The following GPR35 variants were observed in gnomAD, a reference collection of about 807,000 sequenced individuals.
The protein encoded by GPR35 is KYNA receptor.
For missense variants in GPR35, 372 were observed against 422.5 expected (o/e 0.88, Z 1.05); for synonymous variants, 207 against 198.4 (o/e 1.04, Z -0.36).
chr2:240,624,645 G>A (rs2043348199), upstream of GPR35, among the ~76,000 whole-genome samples: 1 of 152,202 alleles, frequency 6.6e-6, no homozygotes, highest in African/African-American at 2.4e-5. Context: ...CAGCCGTTGA[G>A]GAGGGAGAGG....
exon 3 of GPR35, chr2:240,616,500 C>A (rs374515087): frequency 3.8e-6 from 3 of 780,248 alleles, no homozygotes; most frequent in Non-Finnish European, 7.2e-6. Context: ...TCCGATACTT[C>A]ACCAGATTCA....
At chr2:240,625,384 C>T (rs1354145662), upstream of GPR35, 26 of 985,416 alleles carry the variant, frequency 2.6e-5, no homozygotes, top group Non-Finnish European at 3.0e-5. Context: ...ACTCCTGTTA[C>T]CCCTGACCTG....
In GPR35 at chr2:240,630,886, G is replaced by A; in HGVS notation, c.*4G>A. The stretch of plus-strand genomic sequence containing the variant: ...TCTGTGCGTGACCCTCGCCTAAGAG[G>A]CGTGCTGTGGGCGCTGTGGGCCAGG... On this transcript the variant is annotated 3_prime_UTR_variant, in exon 2 of 2. Transcript: ENST00000407714. 6.2e-7 allele frequency: 1 copy of A among 1,604,250 alleles called. No homozygotes were observed. The highest frequency in any genetic ancestry group is 8.5e-7 in the Non-Finnish European group (1 of 1,173,038).
chr2:240,606,813 G>A (rs996086876), intron 2 of GPR35, among the ~76,000 whole-genome samples: 1 of 152,230 alleles, frequency 6.6e-6, no homozygotes, highest in African/African-American at 2.4e-5. Flanking sequence ...GATGTAAGCA[G>A]GGGCCTTAAG....
chr2:240,625,934 T>C (rs375415914), intron 1 of GPR35, among the ~76,000 whole-genome samples: 5 of 70,446 alleles, frequency 7.1e-5, no homozygotes, highest in Admixed American at 3.2e-4. Context: ...CAGAGTGGGG[T>C]GAGGCTGTGA....
chr2:240,609,964 C>CTTT (rs879882240), intron 2 of GPR35, among the ~76,000 whole-genome samples: 5 of 144,580 alleles, frequency 3.5e-5, no homozygotes, highest in African/African-American at 1.0e-4. Flanking sequence ...ATGAAATATC[C>CTTT]TTTTTTTTTT....
intron 2 of GPR35, among the ~76,000 whole-genome samples, chr2:240,614,107 C>G (rs953297880): frequency 3.3e-5 from 5 of 152,094 alleles, no homozygotes; most frequent in Non-Finnish European, 5.9e-5. Context: ...AATTCCAACC[C>G]TAACCCTAAG....
At chr2:240,618,038 T>A (rs551156488) in intron 4 of GPR35, among the ~76,000 whole-genome samples, 1 of 152,346 alleles carries the variant, frequency 6.6e-6, no homozygotes, top group African/African-American at 2.4e-5. Flanking sequence ...TTTGTCGTCA[T>A]TTTTAGGCCT....
At chr2:240,612,976 G>C (rs2043199686) in intron 2 of GPR35, among the ~76,000 whole-genome samples, 1 of 152,258 alleles carries the variant, frequency 6.6e-6, no homozygotes, top group South Asian at 2.1e-4. Flanking sequence ...GCAGACAGCA[G>C]AGACTCTGCA....
At chr2:240,622,596 A>G (rs145897345), upstream of GPR35, among the ~76,000 whole-genome samples, 1,556 of 152,364 alleles carry the variant, frequency 0.01, 24 homozygotes, top group African/African-American at 0.036. Flanking sequence ...GTTGGGCCAC[A>G]TTCAAAGCCC....
In GPR35 at chr2:240,625,480, A is replaced by C; in HGVS notation, c.-93A>C. On this transcript the variant is annotated 5_prime_UTR_variant, in exon 1 of 2. Coordinates refer to ENST00000407714, the MANE Select transcript of GPR35 (RefSeq NM_005301.5). ...CTGAGGGGTGGCTCACCCCAGCTTC[A>C]CTTCCCCCAGCCCTTCTCAGACAGC... 1.0e-6 allele frequency: 1 copy of C among 985,704 alleles called. No homozygotes were observed. The highest frequency in any genetic ancestry group is 1.2e-6 in the Non-Finnish European group (1 of 830,170). 61.1% of individuals were successfully genotyped at this position (985,704 alleles called of 1,614,324 possible).
At chr2:240,613,277 C>A (rs2043204324) in intron 2 of GPR35, among the ~76,000 whole-genome samples, 1 of 152,042 alleles carries the variant, frequency 6.6e-6, no homozygotes, top group Non-Finnish European at 1.5e-5. Context: ...GCAGAGAGGA[C>A]AGCAGAACAT....
exon 4 of GPR35, chr2:240,617,288 C>T: frequency 7.0e-6 from 5 of 712,164 alleles, no homozygotes; most frequent in South Asian, 5.9e-5. Context: ...GGATTGCAGA[C>T]TCATGAAAGA....
chr2:240,620,760 AC>A (rs777727458), upstream of GPR35, among the ~76,000 whole-genome samples: 1 of 149,802 alleles, frequency 6.7e-6, no homozygotes, highest in South Asian at 2.1e-4. Context: ...TTCTGCAGCC[AC>A]CCCCCAGGAC....
chr2:240,619,722 C>T (rs2043272043), intron 5 of GPR35, among the ~76,000 whole-genome samples: 1 of 152,226 alleles, frequency 6.6e-6, no homozygotes, highest in Admixed American at 6.5e-5. Context: ...TCAAGAGTTA[C>T]TCCTCCCTCC....
At chr2:240,610,501 C>G (rs1305220259) in intron 2 of GPR35, among the ~76,000 whole-genome samples, 1 of 152,162 alleles carries the variant, frequency 6.6e-6, no homozygotes, top group African/African-American at 2.4e-5. Flanking sequence ...TCTCCTGTCA[C>G]TCAGCCTGGA....
At chr2:240,621,052 A>C (rs2043287751), upstream of GPR35, among the ~76,000 whole-genome samples, 1 of 152,066 alleles carries the variant, frequency 6.6e-6, no homozygotes, top group Admixed American at 6.5e-5. Flanking sequence ...GCTGAGGGTG[A>C]CAGGGAAACC....
upstream of GPR35, among the ~76,000 whole-genome samples, chr2:240,622,429 C>T (rs1559436914): frequency 6.6e-6 from 1 of 152,192 alleles, no homozygotes; most frequent in Non-Finnish European, 1.5e-5. Context: ...CCCTTCAAAG[C>T]AGGGCTGTCC....
chr2:240,629,613 C>T lies in GPR35; in HGVS notation c.-4-336C>T, dbSNP rs924836737. On this transcript the variant is annotated intron_variant, in intron 1 of 1. Transcript: ENST00000407714. ...CTGGTGGCCCTTTGGGCTCCCTGTC[C>T]AGGATTTGCGCTCTGGAGGGTAGGG... 3 of 242,806 alleles carry T rather than the reference C, an allele frequency of 1.2e-5. No individual in the cohort carries two copies. The South Asian group carries it at 3.7e-4, about 30-fold the overall frequency. 15.0% of individuals were successfully genotyped at this position (242,806 alleles called of 1,614,324 possible). A position where few individuals can be genotyped will look rare whatever the true frequency, so the allele number is the denominator to read the frequency against.
Sources: gnomAD v4.1 joint callset for allele counts (sites outside exome capture counted in the v4.1 genomes callset) on GRCh38, gnomAD v4.1.1 for gene constraint, MANE v1.5 for transcripts, NCBI Gene and HGNC (gene_info 2026-07-23, HGNC 2026-07-21) for gene names.